Variants in PRUNE2 observed in about 807,000 individuals in gnomAD.
PRUNE2 encodes the protein prune homolog 2 with BCH domain.
Under a neutral mutation model 252.0 loss-of-function variants are expected in PRUNE2, and 164 were observed. The observed-to-expected ratio is 0.65, with a 90% CI of 0.57 to 0.74. The LOEUF (loss-of-function observed/expected upper bound fraction) is 0.74. Among genes scored for constraint, PRUNE2 ranks in the 30% least tolerant of loss-of-function variants. The pLI, the probability that PRUNE2 is intolerant of heterozygous loss-of-function variation, is 0.00. For synonymous variants in PRUNE2, 1,292 were observed against 1,350.2 expected (o/e 0.96, Z 0.94); for missense variants, 3,495 against 3,711.0 (o/e 0.94, Z 1.51).
intron 9 of PRUNE2, among the ~76,000 whole-genome samples, chr9:76,670,738 C>G (rs1311694649): frequency 1.3e-5 from 2 of 151,918 alleles, no homozygotes; most frequent in East Asian, 3.9e-4. Flanking sequence ...AAGTGGGTCC[C>G]TGACCCCTGA....
chr9:76,641,845 T>C (rs981059059), intron 12 of PRUNE2: 2 of 1,168,370 alleles, frequency 1.7e-6, no homozygotes, highest in Non-Finnish European at 2.4e-6. Flanking sequence ...TGGCCAGCAA[T>C]GGAATGGAGA....
intron 1 of PRUNE2, among the ~76,000 whole-genome samples, chr9:76,868,761 T>C (rs1440213426): frequency 1.4e-5 from 2 of 148,092 alleles, no homozygotes; most frequent in African/African-American, 5.0e-5. Context: ...CCTTCTATTC[T>C]AGATTAAAGT....
At chr9:76,726,775 C>G (rs915392664) in intron 6 of PRUNE2, among the ~76,000 whole-genome samples, 2 of 152,192 alleles carry the variant, frequency 1.3e-5, no homozygotes, top group African/African-American at 4.8e-5. Flanking sequence ...TTCAGAAGCT[C>G]AAATCTCCAC....
intron 9 of PRUNE2, among the ~76,000 whole-genome samples, chr9:76,681,972 T>C: frequency 6.6e-6 from 1 of 152,296 alleles, no homozygotes; most frequent in South Asian, 2.1e-4. Flanking sequence ...AGCTGATATT[T>C]TAAAGATGTA....
chr9:76,717,677 C>T (rs1034519506), intron 6 of PRUNE2, among the ~76,000 whole-genome samples: 20 of 145,080 alleles, frequency 1.4e-4, no homozygotes, highest in Admixed American at 1.3e-3. Context: ...GAACTTACCA[C>T]CCCCCCCACC....
At chr9:76,644,687 A>G (rs1485555140) in intron 12 of PRUNE2, 52 bp downstream of exon 12, 1 of 1,565,772 alleles carries the variant, frequency 6.4e-7, no homozygotes, top group African/African-American at 1.4e-5. Flanking sequence ...ATGATTTTAA[A>G]TAAAATGGCT....
At chr9:76,803,232 T>C (rs1019411140) in intron 6 of PRUNE2, among the ~76,000 whole-genome samples, 4 of 152,240 alleles carry the variant, frequency 2.6e-5, no homozygotes, top group Non-Finnish European at 4.4e-5. Flanking sequence ...TGGTGATACA[T>C]TGCCTTGGTG....
At chr9:76,805,662 C>T (rs1473885530) in intron 6 of PRUNE2, among the ~76,000 whole-genome samples, 2 of 152,158 alleles carry the variant, frequency 1.3e-5, no homozygotes, top group Non-Finnish European at 2.9e-5. Flanking sequence ...TAAAGAAACA[C>T]GGGCTTTCCT....
At chr9:76,664,084 C>A (rs1392076030) in intron 9 of PRUNE2, among the ~76,000 whole-genome samples, 1 of 152,152 alleles carries the variant, frequency 6.6e-6, no homozygotes, top group Non-Finnish European at 1.5e-5. Flanking sequence ...AAAGGTGGAG[C>A]CTAATTTCCC....
In PRUNE2 at chr9:76,807,297, T is replaced by C. The variant is rs193005186; in HGVS notation, c.756+16335A>G. On this transcript the variant is annotated intron_variant, in intron 6 of 18. Coordinates refer to ENST00000376718, the MANE Select transcript of PRUNE2 (RefSeq NM_015225.3). ...CTATGTTCCCAGGATGGTCTCGAAC[T>C]CCTGGTCTCAAGTGATCCTTCCACC... Among the ~76,000 whole-genome samples the C allele has an allele frequency of 4.2e-3, 636 of 152,106 alleles. 4 individuals are homozygous for C. Among genetic ancestry groups the C allele is most frequent in the Non-Finnish European group, 7.5e-3 (510 of 67,998 alleles).
intron 6 of PRUNE2, chr9:76,785,938 A>C (rs1188430081): frequency 6.6e-6 from 1 of 152,242 alleles, no homozygotes; most frequent in Non-Finnish European, 1.5e-5. Context: ...TCACAAAAGC[A>C]GCTGGAAATG....
rs2046260903 is a variant in PRUNE2 at position 76,705,673 on chromosome 9, T to A, written c.6601A>T (p.Thr2201Ser). The change falls in exon 8 of 19, where the codon ACA becomes TCA. Residue 2201 changes from threonine to serine, a missense_variant. Physicochemically the swap from Thr to Ser is moderately conservative, Grantham distance 58. Transcript: ENST00000376718. ...CCTTTTTCTGATACTTGTAAACCTGTACTGTTGTCACCGTTTATTTCAGAA... is the reference window on the plus strand; with the variant it reads ...CCTTTTTCTGATACTTGTAAACCTGAACTGTTGTCACCGTTTATTTCAGAA... ...EPSEINGDNS[T>S]GLQVSEKGAS... 1.9e-6 allele frequency: 3 copies of A among 1,613,932 alleles called. No homozygotes were observed. Among genetic ancestry groups the A allele is most frequent in the Non-Finnish European group, 2.5e-6 (3 of 1,179,906 alleles).
At chr9:76,727,709 G>GTT (rs1204168069) in intron 6 of PRUNE2, among the ~76,000 whole-genome samples, 6 of 72,070 alleles carry the variant, frequency 8.3e-5, no homozygotes, top group Non-Finnish European at 1.5e-4. Flanking sequence ...GGTAAACAGG[G>GTT]CTTTTTTTTT....
At chr9:76,669,092 A>G (rs1025344361) in intron 9 of PRUNE2, among the ~76,000 whole-genome samples, 1 of 151,858 alleles carries the variant, frequency 6.6e-6, no homozygotes, top group Admixed American at 6.6e-5. Flanking sequence ...ACCATCTCCA[A>G]ATAGAAGATA....
At chr9:76,829,291 G>A (rs2058530432) in intron 4 of PRUNE2, among the ~76,000 whole-genome samples, 1 of 152,112 alleles carries the variant, frequency 6.6e-6, no homozygotes, top group South Asian at 2.1e-4. Flanking sequence ...ATTCATAAGT[G>A]ATAAAATAAG....
intron 1 of PRUNE2, among the ~76,000 whole-genome samples, chr9:76,876,504 A>T (rs757489420): frequency 7.2e-5 from 11 of 151,892 alleles, no homozygotes; most frequent in Non-Finnish European, 1.0e-4. Flanking sequence ...TAGATTTAAA[A>T]TTTTCTCTTT....
chr9:76,726,931 T>C (rs558784661), intron 6 of PRUNE2, among the ~76,000 whole-genome samples: 2 of 152,358 alleles, frequency 1.3e-5, no homozygotes, highest in African/African-American at 2.4e-5. Flanking sequence ...AGTAATTTAA[T>C]TGTCATTATT....
At chr9:76,799,621 A>G (rs2056398541) in intron 6 of PRUNE2, among the ~76,000 whole-genome samples, 1 of 152,220 alleles carries the variant, frequency 6.6e-6, no homozygotes, top group African/African-American at 2.4e-5. Context: ...TGTGGTTATC[A>G]GAACATGAAA....
intron 9 of PRUNE2, among the ~76,000 whole-genome samples, chr9:76,697,634 G>A (rs1031630060): frequency 1.3e-5 from 2 of 152,192 alleles, no homozygotes; most frequent in Non-Finnish European, 2.9e-5. Flanking sequence ...GATAACGGGA[G>A]AACAGGAATG....
Sources: allele counts gnomAD v4.1 joint callset (sites outside exome capture counted in the v4.1 genomes callset), GRCh38; gene constraint gnomAD v4.1.1; transcripts MANE v1.5; gene names NCBI Gene and HGNC (gene_info 2026-07-23, HGNC 2026-07-21).